The following RABGAP1L variants were observed in gnomAD, a reference collection of about 807,000 sequenced individuals.
RABGAP1L encodes the protein RAB GTPase activating protein 1 like.
Under a neutral mutation model 137.7 loss-of-function variants are expected in RABGAP1L, and 63 were observed. That is an observed-to-expected ratio of 0.46 (90% CI 0.37 to 0.56). The LOEUF (loss-of-function observed/expected upper bound fraction) is 0.56, where lower values mean the gene tolerates loss of function less well. RABGAP1L is among the 20% of genes least tolerant of loss of function. The pLI is 0.00. For missense variants in RABGAP1L, 1,095 were observed against 1,244.0 expected (o/e 0.88, Z 1.80); for synonymous variants, 431 against 433.7 (o/e 0.99, Z 0.08).
At chr1:174,944,644 TAAA>T (rs71815856) in intron 19 of RABGAP1L, among the ~76,000 whole-genome samples, 10 of 119,644 alleles carry the variant, frequency 8.4e-5, no homozygotes, top group African/African-American at 2.5e-4. Flanking sequence ...CTCAAAAAAT[TAAA>T]AAAAAAAAAA....
chr1:174,477,888 T>G (rs949323066), intron 13 of RABGAP1L, among the ~76,000 whole-genome samples: 2 of 152,172 alleles, frequency 1.3e-5, no homozygotes, highest in Non-Finnish European at 2.9e-5. Context: ...TAGAGATTTT[T>G]TTCAAGTATT....
At chr1:174,412,834 T>C (rs1650103328) in intron 13 of RABGAP1L, among the ~76,000 whole-genome samples, 1 of 152,190 alleles carries the variant, frequency 6.6e-6, no homozygotes, top group Admixed American at 6.5e-5. Flanking sequence ...AAGTCCACTG[T>C]TAGCCTGATG....
chr1:174,902,513 G>A (rs1380328008), intron 19 of RABGAP1L, among the ~76,000 whole-genome samples: 2 of 152,172 alleles, frequency 1.3e-5, no homozygotes, highest in African/African-American at 4.8e-5. Context: ...CCACCTTTCT[G>A]GGAATCCTGG....
At chr1:174,215,827 A>T (rs1294306238) in intron 1 of RABGAP1L, among the ~76,000 whole-genome samples, 2 of 152,154 alleles carry the variant, frequency 1.3e-5, no homozygotes, top group African/African-American at 4.8e-5. Context: ...CTAGGTATAT[A>T]CTCCGAAGAA....
At chr1:174,756,425 C>T (rs1236435405) in intron 18 of RABGAP1L, among the ~76,000 whole-genome samples, 1 of 152,128 alleles carries the variant, frequency 6.6e-6, no homozygotes, top group East Asian at 1.9e-4. Flanking sequence ...GTTGGGATTA[C>T]AGGCATGAGC....
chr1:174,324,860 C>A (rs1230806227), intron 11 of RABGAP1L, among the ~76,000 whole-genome samples: 1 of 152,056 alleles, frequency 6.6e-6, no homozygotes, highest in Non-Finnish European at 1.5e-5. Context: ...TCTGTTCTTA[C>A]AAGTTCATTA....
chr1:174,986,920 A>G (rs1457384306), intron 24 of RABGAP1L, among the ~76,000 whole-genome samples: 1 of 152,196 alleles, frequency 6.6e-6, no homozygotes, highest in Non-Finnish European at 1.5e-5. Flanking sequence ...GATCAAAACT[A>G]TTTCTTTAAC....
chr1:174,408,754 G>A (rs1649568809), intron 13 of RABGAP1L, among the ~76,000 whole-genome samples: 1 of 151,888 alleles, frequency 6.6e-6, no homozygotes, highest in Non-Finnish European at 1.5e-5. Flanking sequence ...TTTAGTAATA[G>A]CCATTTTGGC....
intron 1 of RABGAP1L, among the ~76,000 whole-genome samples, chr1:174,217,983 G>T (rs1325963816): frequency 1.3e-5 from 2 of 152,054 alleles, no homozygotes; most frequent in Admixed American, 1.3e-4. Flanking sequence ...AACATTTCTG[G>T]GGGGATTTTA....
chr1:174,809,833 T>G (rs1185879727), intron 18 of RABGAP1L, among the ~76,000 whole-genome samples: 1 of 152,200 alleles, frequency 6.6e-6, no homozygotes, highest in Admixed American at 6.5e-5. Context: ...CCCCCATAAT[T>G]CAGCCGTTGA....
At chr1:174,173,057 T>A (rs1222536469) in intron 1 of RABGAP1L, among the ~76,000 whole-genome samples, 1 of 151,534 alleles carries the variant, frequency 6.6e-6, no homozygotes, top group Non-Finnish European at 1.5e-5. Context: ...TGCACTTAGA[T>A]TGAATATAAA....
intron 13 of RABGAP1L, among the ~76,000 whole-genome samples, chr1:174,429,261 A>G (rs1054715864): frequency 6.6e-6 from 1 of 152,228 alleles, no homozygotes; most frequent in Non-Finnish European, 1.5e-5. Flanking sequence ...TTCACTGGAT[A>G]AGATAGTTAA....
intron 13 of RABGAP1L, among the ~76,000 whole-genome samples, chr1:174,398,998 GACA>G (rs1648221064): frequency 6.6e-6 from 1 of 152,126 alleles, no homozygotes. Flanking sequence ...ATAAATCTAT[GACA>G]ACTTTAAGTT....
chr1:174,718,662 GC>G (rs1255905855), intron 17 of RABGAP1L, among the ~76,000 whole-genome samples: 3 of 152,024 alleles, frequency 2.0e-5, no homozygotes, highest in Non-Finnish European at 4.4e-5. Context: ...GCTGTATCAG[GC>G]TGAGTGTAAG....
intron 14 of RABGAP1L, among the ~76,000 whole-genome samples, chr1:174,661,379 A>T (rs1429959098): frequency 1.3e-5 from 2 of 152,182 alleles, no homozygotes; most frequent in Non-Finnish European, 2.9e-5. Flanking sequence ...GTAAGAAAAC[A>T]TGTAGTTGAT....
chr1:174,625,224 T>C (rs1046672251), intron 13 of RABGAP1L, among the ~76,000 whole-genome samples: 2 of 152,144 alleles, frequency 1.3e-5, no homozygotes, highest in African/African-American at 4.8e-5. Flanking sequence ...CATTATATGC[T>C]TAATGTCTTT....
chr1:174,683,451 G>A, intron 14 of RABGAP1L, 71 bp from the exon 15 acceptor site: 1 of 1,251,494 alleles, frequency 8.0e-7, no homozygotes, highest in Non-Finnish European at 1.1e-6. Flanking sequence ...GCAGGAGCCT[G>A]GTATGAGCTA....
intron 19 of RABGAP1L, among the ~76,000 whole-genome samples, chr1:174,814,609 ATATG>A (rs1031666540): frequency 6.6e-6 from 1 of 152,060 alleles, no homozygotes; most frequent in Admixed American, 6.6e-5. Context: ...GACCATGACT[ATATG>A]TACGTACTTA....
intron 12 of RABGAP1L, among the ~76,000 whole-genome samples, chr1:174,386,911 T>C (rs1478618226): frequency 6.6e-6 from 1 of 152,174 alleles, no homozygotes; most frequent in Non-Finnish European, 1.5e-5. Context: ...CTAGTCATGA[T>C]TTTAAAGAGA....
Sources: allele counts gnomAD v4.1 joint callset (sites outside exome capture counted in the v4.1 genomes callset), GRCh38; gene constraint gnomAD v4.1.1; transcripts MANE v1.5; gene names NCBI Gene and HGNC (gene_info 2026-07-23, HGNC 2026-07-21).